Variants in FHIT observed in about 807,000 individuals in gnomAD.
FHIT encodes the protein fragile histidine triad diadenosine triphosphatase.
A neutral mutation model predicts 17.9 loss-of-function variants in FHIT; 19 were observed. That is an observed-to-expected ratio of 1.06 (90% CI 0.74 to 1.56). The LOEUF is 1.56. Among genes scored for constraint, FHIT ranks in the 40% most tolerant of loss-of-function variants. The pLI is 0.00. For synonymous variants in FHIT, 81 were observed against 69.7 expected (o/e 1.16, Z -0.81); for missense variants, 248 against 189.2 (o/e 1.31, Z -1.82).
chr3:59,899,470 A>G (rs925907314), intron 8 of FHIT, among the ~76,000 whole-genome samples: 4 of 152,204 alleles, frequency 2.6e-5, no homozygotes, highest in African/African-American at 9.6e-5. Flanking sequence ...ATTTGGCTCC[A>G]TGAGGCTTGC....
chr3:61,039,504 C>T (rs1157580623), intron 3 of FHIT, among the ~76,000 whole-genome samples: 2 of 152,090 alleles, frequency 1.3e-5, no homozygotes, highest in African/African-American at 4.8e-5. Flanking sequence ...ACATATACAC[C>T]ATAGAATACT....
At chr3:60,972,314 C>T (rs1710059331) in intron 3 of FHIT, among the ~76,000 whole-genome samples, 1 of 152,032 alleles carries the variant, frequency 6.6e-6, no homozygotes, top group African/African-American at 2.4e-5. Context: ...CTAAAAATGT[C>T]CTTTTTGAAG....
chr3:60,991,730 A>AG (rs1243306510), intron 3 of FHIT, among the ~76,000 whole-genome samples: 6 of 152,306 alleles, frequency 3.9e-5, no homozygotes, highest in African/African-American at 1.4e-4. Flanking sequence ...AAATTAAATG[A>AG]GATATAACAC....
intron 5 of FHIT, among the ~76,000 whole-genome samples, chr3:60,497,979 T>C (rs1231127682): frequency 6.6e-6 from 1 of 152,222 alleles, no homozygotes; most frequent in Non-Finnish European, 1.5e-5. Flanking sequence ...AGTAAATATT[T>C]TGGGCTTTGC....
At chr3:59,819,079 T>A (rs768261846) in intron 8 of FHIT, among the ~76,000 whole-genome samples, 1 of 152,232 alleles carries the variant, frequency 6.6e-6, no homozygotes, top group East Asian at 1.9e-4. Flanking sequence ...CAGTTCCATA[T>A]GCTGTGTTTC....
At chr3:60,033,979 A>G (rs536020916) in intron 5 of FHIT, among the ~76,000 whole-genome samples, 5 of 152,350 alleles carry the variant, frequency 3.3e-5, no homozygotes, top group South Asian at 2.1e-4. Flanking sequence ...ATGAAAATAC[A>G]CCGTCTCGTG....
intron 7 of FHIT, among the ~76,000 whole-genome samples, chr3:59,946,219 C>A (rs926646049): frequency 6.6e-6 from 1 of 152,072 alleles, no homozygotes; most frequent in South Asian, 2.1e-4. Context: ...TTATAATTCT[C>A]AATGTAAAGA....
chr3:59,773,455 C>G (rs1393979950), intron 8 of FHIT, among the ~76,000 whole-genome samples: 3 of 152,170 alleles, frequency 2.0e-5, no homozygotes, highest in African/African-American at 7.2e-5. Flanking sequence ...CTCATGAGCT[C>G]AATGTTAAGT....
At chr3:60,298,397 CTT>C (rs545744122) in intron 5 of FHIT, among the ~76,000 whole-genome samples, 8 of 152,082 alleles carry the variant, frequency 5.3e-5, no homozygotes, top group East Asian at 1.9e-4. Context: ...AAAAAACACT[CTT>C]ATCTCCAGAG....
intron 5 of FHIT, among the ~76,000 whole-genome samples, chr3:60,059,882 A>G (rs567162304): frequency 2.4e-4 from 37 of 152,280 alleles, no homozygotes; most frequent in African/African-American, 8.9e-4. Context: ...TCAAATCGAC[A>G]ATGGTTTGAC....
At chr3:60,333,562 AAAGAAAAAATATAATT>A (rs1710094017) in intron 5 of FHIT, among the ~76,000 whole-genome samples, 1 of 152,188 alleles carries the variant, frequency 6.6e-6, no homozygotes, top group South Asian at 2.1e-4. Context: ...GCAAATTTAA[AAAGAAAAAATATAATT>A]AAGAAAAAAA....
chr3:60,559,626 C>T lies in FHIT; in HGVS notation c.-17-22647G>A, dbSNP rs536532933. Among the ~76,000 whole-genome samples, 178 of 152,268 alleles carry T rather than the reference C, an allele frequency of 1.2e-3. 3 individuals are homozygous for T. The highest frequency in any genetic ancestry group is 0.01 in the Middle Eastern group (3 of 294). On this transcript the variant is annotated intron_variant, in intron 4 of 9. Transcript: ENST00000492590. Reference sequence around the variant, plus strand: ...CCTCAAAAACTGCCCCACAAGAGGTCTCTCACTAACCAAGCGCTTGCTAAT... The same window carrying T: ...CCTCAAAAACTGCCCCACAAGAGGTTTCTCACTAACCAAGCGCTTGCTAAT...
rs1052168473 is a variant in FHIT at position 60,938,842 on chromosome 3, A to G, written c.-111+103205T>C. Among the ~76,000 whole-genome samples the G allele has an allele frequency of 2.6e-5, 4 of 151,374 alleles. No homozygotes were observed. The East Asian group carries it at 5.8e-4, about 22-fold the overall frequency. On this transcript the variant is annotated intron_variant, in intron 3 of 9. Transcript: ENST00000492590. Reference sequence around the variant, plus strand: ...TTGTGTATTTTTATCATTGAGAAACATAATTTGAATGGGAAAGCCTTTCTT... The same window carrying G: ...TTGTGTATTTTTATCATTGAGAAACGTAATTTGAATGGGAAAGCCTTTCTT...
At chr3:60,877,414 A>G (rs1704717589) in intron 3 of FHIT, among the ~76,000 whole-genome samples, 1 of 152,130 alleles carries the variant, frequency 6.6e-6, no homozygotes, top group African/African-American at 2.4e-5. Flanking sequence ...CTTGTGCTAG[A>G]GATGAAGCAA....
At chr3:60,634,608 C>T (rs1260649360) in intron 4 of FHIT, among the ~76,000 whole-genome samples, 1 of 152,202 alleles carries the variant, frequency 6.6e-6, no homozygotes, top group Middle Eastern at 3.2e-3. Context: ...ACGGCACCAG[C>T]ATTTTCTCTC....
At chr3:60,140,337 C>G (rs1020760522) in intron 5 of FHIT, among the ~76,000 whole-genome samples, 7 of 152,072 alleles carry the variant, frequency 4.6e-5, no homozygotes, top group African/African-American at 1.7e-4. Flanking sequence ...AGGGGTATGA[C>G]CTCAGCCCTG....
chr3:60,158,638 G>T (rs1354575843), intron 5 of FHIT, among the ~76,000 whole-genome samples: 1 of 152,108 alleles, frequency 6.6e-6, no homozygotes, highest in African/African-American at 2.4e-5. Flanking sequence ...CGCAGACAAA[G>T]AAAAGGTCAC....
chr3:60,286,751 A>G (rs1031172296), intron 5 of FHIT, among the ~76,000 whole-genome samples: 2 of 152,188 alleles, frequency 1.3e-5, no homozygotes, highest in African/African-American at 4.8e-5. Flanking sequence ...CTGTGGAGCT[A>G]TATCATTTTA....
intron 5 of FHIT, among the ~76,000 whole-genome samples, chr3:60,017,381 G>A (rs1010049333): frequency 2.0e-5 from 3 of 152,204 alleles, no homozygotes; most frequent in Admixed American, 6.5e-5. Flanking sequence ...GCCTGAACTG[G>A]AGGAAGTAAA....
Sources: allele counts gnomAD v4.1 joint callset (sites outside exome capture counted in the v4.1 genomes callset), GRCh38; gene constraint gnomAD v4.1.1; transcripts MANE v1.5; gene names NCBI Gene and HGNC (gene_info 2026-07-23, HGNC 2026-07-21).